The following TRIM29 variants were observed in gnomAD, a reference collection of about 807,000 sequenced individuals.
TRIM29 encodes the protein tripartite motif containing 29.
In TRIM29, 52 loss-of-function variants were observed where a neutral mutation model predicts 57.3. That is an observed-to-expected ratio of 0.91 (90% CI 0.73 to 1.14). The LOEUF is 1.14. Ranked by LOEUF, TRIM29 falls within the 50% of genes most tolerant of loss-of-function variation. The pLI, the probability that TRIM29 is intolerant of heterozygous loss-of-function variation, is 0.00. For missense variants in TRIM29, 753 were observed against 774.6 expected, an observed-to-expected ratio of 0.97 and a Z score of 0.33; for synonymous variants, 319 against 316.9, an observed-to-expected ratio of 1.01 and a Z score of -0.07.
chr11:120,129,375 A>G (rs1367894681), intron 1 of TRIM29, among the ~76,000 whole-genome samples: 1 of 152,154 alleles, frequency 6.6e-6, no homozygotes, highest in African/African-American at 2.4e-5. Flanking sequence ...CCTGTAGGAC[A>G]CTCAAAGCCC....
intron 6 of TRIM29, 88 bp from the exon 7 acceptor site, chr11:120,118,409 C>A: frequency 1.0e-6 from 1 of 1,001,992 alleles, no homozygotes; most frequent in Admixed American, 2.5e-5. Context: ...CTATGACTCT[C>A]TAGCCGCTGG....
intron 8 of TRIM29, chr11:120,113,788 G>A (rs1378887518): frequency 2.4e-6 from 1 of 425,110 alleles, no homozygotes; most frequent in African/African-American, 2.1e-5. Flanking sequence ...AGGGCAAAGT[G>A]AACAGATTTG....
At chr11:120,135,060 T>C (rs1863791115) in intron 1 of TRIM29, among the ~76,000 whole-genome samples, 2 of 152,144 alleles carry the variant, frequency 1.3e-5, no homozygotes, top group African/African-American at 2.4e-5. Flanking sequence ...GCGGCCCCCA[T>C]GCCAGAACCC....
At chr11:120,122,026 A>G in intron 5 of TRIM29, 2 of 447,740 alleles carry the variant, frequency 4.5e-6, no homozygotes, top group South Asian at 3.1e-5. Flanking sequence ...AAGCCCAACA[A>G]CCAAGAAGCC....
chr11:120,115,814 C>T (rs995702333), intron 7 of TRIM29: 32 of 210,448 alleles, frequency 1.5e-4, no homozygotes, highest in Non-Finnish European at 2.0e-4. Flanking sequence ...CAGAGTTTCC[C>T]GGCAGGAGGC....
intron 7 of TRIM29, chr11:120,117,144 G>A (rs887753280): frequency 1.8e-5 from 5 of 284,656 alleles, no homozygotes; most frequent in Non-Finnish European, 3.5e-5. Flanking sequence ...GGGCTGCTCT[G>A]AATCACACCT....
At position 120,118,305 on chromosome 11, in the gene TRIM29, C is replaced by A. The variant is rs1305211394; in HGVS notation, c.1545G>T (p.Arg515=). Reference sequence around the variant, plus strand: ...GAATGCTGGAGGAGTACTCCCAGACCCGGGAGGTGTAGTTACCTGGCAGGA... The same window carrying A: ...GAATGCTGGAGGAGTACTCCCAGACACGGGAGGTGTAGTTACCTGGCAGGA... ...LYGTKGNYTS[R]VWEYSSSIQN... Residue 515 remains arginine, a synonymous_variant, in exon 7 of 9, where the codon CGG becomes CGT. Coordinates refer to ENST00000341846, the MANE Select transcript of TRIM29 (RefSeq NM_012101.4). 3 of 1,613,374 alleles carry A rather than the reference C, an allele frequency of 1.9e-6. No homozygotes were observed. Among genetic ancestry groups the A allele is most frequent in the Non-Finnish European group, 2.5e-6 (3 of 1,179,656 alleles).
chr11:120,120,536 T>A (rs1863412314), intron 6 of TRIM29, 37 bp downstream of exon 6: 1 of 1,587,160 alleles, frequency 6.3e-7, no homozygotes, highest in African/African-American at 1.3e-5. Context: ...CAGCCCCACA[T>A]GAACTCTGTG....
rs367923393 is a variant in TRIM29, at chr11:120,137,857, C to A, written c.175G>T (p.Ala59Ser). The stretch of plus-strand genomic sequence containing the variant: ...CTCCTACCTTCCCCTGGCTTCAGGG[C>A]GCTGCCCAGGCTCTTGCCCTCAGCT... ...EAAEGKSLGS[A>S]LKPGEGRSAL... Residue 59 changes from alanine to serine, a missense_variant, in exon 1 of 9, where the codon GCC becomes TCC. Physicochemically the swap from Ala to Ser is moderately conservative, Grantham distance 99. Coordinates refer to ENST00000341846, the MANE Select transcript of TRIM29 (RefSeq NM_012101.4). The surrounding 1 kb of genome is among the most constrained non-coding windows in gnomAD (Gnocchi z 6.2). The A allele has an allele frequency of 3.7e-5, 59 of 1,611,836 alleles. No individual in the cohort carries two copies. Among genetic ancestry groups the A allele is most frequent in the Non-Finnish European group, 4.8e-5 (57 of 1,180,018 alleles).
At chr11:120,117,808 T>G (rs1863312426) in intron 7 of TRIM29, 1 of 206,140 alleles carries the variant, frequency 4.9e-6, no homozygotes, top group Admixed American at 5.3e-5. Flanking sequence ...CCTGCAGGAT[T>G]GGATCTGCAG....
rs1409578495 is a variant in TRIM29 at position 120,127,556 on chromosome 11, T to C, written c.914A>G (p.Asn305Ser). ...EKDRIKSFTTNEKAILEQNFR... is the reference protein window; with the variant it reads ...EKDRIKSFTTSEKAILEQNFR... ...GTTCTGCTCCAGGATGGCCTTCTCA[T>C]TGGTGGTGAAGCTCTGGAGGTCCAG... is the stretch of plus-strand genomic sequence containing the variant. Residue 305 changes from asparagine to serine, a missense_variant, in exon 3 of 9, where the codon AAT becomes AGT. Transcript: ENST00000341846. 6.2e-7 allele frequency: 1 copy of C among 1,613,848 alleles called. No homozygotes were observed. The highest frequency in any genetic ancestry group is 2.2e-5 in the East Asian group (1 of 44,874).
Position 120,114,052 on chromosome 11 carries a change from A to T in TRIM29, c.1704+1286T>A, listed in dbSNP as rs571165518. Among the ~76,000 whole-genome samples the T allele has an allele frequency of 5.7e-3, 872 of 152,296 alleles. 7 individuals carry two copies. Among genetic ancestry groups the T allele is most frequent in the African/African-American group, 0.013 (560 of 41,544 alleles). ...CATTTTTCCTCATGCAAAGTCACACAGCAAGTCAATGAGACAGCTGGGGCC... is the reference window on the plus strand; with the variant it reads ...CATTTTTCCTCATGCAAAGTCACACTGCAAGTCAATGAGACAGCTGGGGCC... On this transcript the variant is annotated intron_variant, in intron 8 of 8. Transcript: ENST00000341846.
At chr11:120,121,091 A>C (rs527716518) in intron 5 of TRIM29, among the ~76,000 whole-genome samples, 2 of 152,232 alleles carry the variant, frequency 1.3e-5, no homozygotes, top group South Asian at 4.2e-4. Context: ...CTTGTGAGGA[A>C]GCAGTGGGGA....
Position 120,123,118 on chromosome 11 carries a change from G to A in TRIM29, c.1334-63C>T. On this transcript the variant is annotated intron_variant, in intron 4 of 8. Coordinates refer to ENST00000341846, the MANE Select transcript of TRIM29 (RefSeq NM_012101.4). The stretch of plus-strand genomic sequence containing the variant: ...TGGGAAGGAGGAGCCAGCCACTGGG[G>A]ACTTTTGGGGCTCAGATGAGTCACC... The A allele has an allele frequency of 2.1e-6, 3 of 1,439,578 alleles. No homozygotes were observed. The South Asian group carries it at 3.4e-5, about 16-fold the overall frequency. 89.2% of individuals were successfully genotyped at this position (1,439,578 alleles called of 1,614,324 possible). A position where few individuals can be genotyped will look rare whatever the true frequency, so the allele number is the denominator to read the frequency against.
chr11:120,126,087 A>G, intron 3 of TRIM29, 198 bp from the exon 4 acceptor site: 1 of 599,642 alleles, frequency 1.7e-6, no homozygotes, highest in Non-Finnish European at 2.9e-6. Context: ...TGATGGCACT[A>G]GCGTTCAGAT....
At position 120,128,558 on chromosome 11, in the gene TRIM29, C is replaced by T. The variant is rs746180895; in HGVS notation, c.805-63G>A. 85 of 1,554,268 alleles carry T rather than the reference C, an allele frequency of 5.5e-5. 1 individual carries two copies. The highest frequency in any genetic ancestry group is 1.7e-4 in the Middle Eastern group (1 of 5,998). On this transcript the variant is annotated intron_variant, in intron 1 of 8. Coordinates refer to ENST00000341846, the MANE Select transcript of TRIM29 (RefSeq NM_012101.4). The stretch of plus-strand genomic sequence containing the variant: ...AGGAGATGGAAGAGAACCAGAGAAC[C>T]AGGGAGCGGCTCCACTCAGGGGGCA...
rs1044858080 is a variant in TRIM29 at position 120,111,580 on chromosome 11, A to G, written c.*834T>C. The G allele has an allele frequency of 5.3e-5, 8 of 152,356 alleles. No homozygotes were observed. Among genetic ancestry groups the G allele is most frequent in the African/African-American group, 1.7e-4 (7 of 41,564 alleles). 9.4% of individuals were successfully genotyped at this position (152,356 alleles called of 1,614,324 possible). A position where few individuals can be genotyped will look rare whatever the true frequency, so the allele number is the denominator to read the frequency against. ...CAGCCCAGCCACACTCCATCGCCAG[A>G]GAGAATGCCAAAGTGTAGACTGAAT... On this transcript the variant is annotated 3_prime_UTR_variant, in exon 9 of 9. Transcript: ENST00000341846.
chr11:120,137,615 C>T lies in TRIM29; in HGVS notation c.417G>A (p.Thr139=), dbSNP rs768295892. The change falls in exon 1 of 9, where the codon ACG becomes ACA. Residue 139 remains threonine, a synonymous_variant. Transcript: ENST00000341846. The surrounding 1 kb of genome is among the most constrained non-coding windows in gnomAD (Gnocchi z 6.2). Reference sequence around the variant, plus strand: ...TCTCCCCGGGCTCCATGATGGACACCGTGGGCTTCCGGGACTCCGAGAAAA... The same window carrying T: ...TCTCCCCGGGCTCCATGATGGACACTGTGGGCTTCCGGGACTCCGAGAAAA... ...KSIFSESRKP[T]VSIMEPGETR... 2 of 1,613,550 alleles carry T rather than the reference C, an allele frequency of 1.2e-6. No individual in the cohort carries two copies. Among genetic ancestry groups the T allele is most frequent in the Admixed American group, 3.3e-5 (2 of 60,024 alleles).
At chr11:120,125,974 G>GAGCCC in intron 3 of TRIM29, 85 bp from the exon 4 acceptor site, 1 of 1,357,130 alleles carries the variant, frequency 7.4e-7, no homozygotes, top group Non-Finnish European at 1.0e-6. Flanking sequence ...TCACAGTGCA[G>GAGCCC]CTGGGGGTCT....
Sources: allele counts gnomAD v4.1 joint callset (sites outside exome capture counted in the v4.1 genomes callset), GRCh38; gene constraint gnomAD v4.1.1; non-coding constraint Gnocchi (gnomAD v3.1); transcripts MANE v1.5; gene names NCBI Gene and HGNC (gene_info 2026-07-23, HGNC 2026-07-21).